PPP1R13B: variants seen among roughly 807,000 people sequenced by gnomAD.
The protein encoded by PPP1R13B is apoptosis-stimulating of p53 protein 1.
A neutral mutation model predicts 119.8 loss-of-function variants in PPP1R13B; 44 were observed. The ratio of observed to expected loss-of-function variants is 0.37; its 90% CI spans 0.29 to 0.47. The LOEUF (loss-of-function observed/expected upper bound fraction) is 0.47, where lower values mean the gene tolerates loss of function less well. Ranked by LOEUF, PPP1R13B falls within the 20% of genes least tolerant of loss-of-function variation. The pLI is 0.99. For missense variants in PPP1R13B, 1,227 were observed against 1,413.5 expected (o/e 0.87, Z 2.12); for synonymous variants, 542 against 561.5 (o/e 0.97, Z 0.49).
At chr14:103,848,305 G>A, upstream of PPP1R13B, 1 of 985,448 alleles carries the variant, frequency 1.0e-6, no homozygotes, top group Non-Finnish European at 1.2e-6. Flanking sequence ...CAGCTCCAGC[G>A]TCCCCGGGGA....
chr14:103,746,649 C>G (rs1567089846), intron 8 of PPP1R13B, 96 bp from the exon 9 acceptor site: 1 of 1,143,048 alleles, frequency 8.7e-7, no homozygotes, highest in African/African-American at 1.6e-5. Context: ...AGAAAGCACT[C>G]ACTCAGTGGT....
chr14:103,743,925 A>C (rs1358526759), intron 9 of PPP1R13B: 1 of 152,250 alleles, frequency 6.6e-6, no homozygotes, highest in Non-Finnish European at 1.5e-5. Flanking sequence ...AGCTGCATAC[A>C]CTGCTGGGCT....
intron 1 of PPP1R13B, 32 bp downstream of exon 1, chr14:103,847,255 CCCGCGGAGGAAG>C: frequency 8.5e-7 from 1 of 1,174,970 alleles, no homozygotes; most frequent in Non-Finnish European, 1.1e-6. Context: ...TGGCCAGCGG[CCCGCGGAGGAAG>C]CCGCCGCCAC....
At chr14:103,766,068 G>A (rs1208429083) in intron 4 of PPP1R13B, among the ~76,000 whole-genome samples, 1 of 151,088 alleles carries the variant, frequency 6.6e-6, no homozygotes, top group Non-Finnish European at 1.5e-5. Context: ...GAGCGCAGTG[G>A]CGCCATCTCG....
chr14:103,782,126 C>CG (rs1383741360), intron 3 of PPP1R13B, among the ~76,000 whole-genome samples: 5 of 152,136 alleles, frequency 3.3e-5, no homozygotes, highest in Non-Finnish European at 5.9e-5. Flanking sequence ...CCCTTTCCCC[C>CG]CAGGCCAACA....
In PPP1R13B at chr14:103,736,183, ACCCAGCTTTTCCTGCAC is replaced by A; in HGVS notation, c.3034_3050del (p.Val1012CysfsTer19). The A allele has an allele frequency of 6.2e-7, 1 of 1,613,754 alleles. No homozygotes were observed. Among genetic ancestry groups the A allele is most frequent in the Non-Finnish European group, 8.5e-7 (1 of 1,179,886 alleles). On this transcript the variant is annotated frameshift_variant and splice_region_variant, in exon 16 of 17. Transcript: ENST00000202556. LOFTEE classifies it high-confidence loss of function. ...CATACGCCACACCTTTGTTCATCAC[ACCCAGCTTTTCCTGCAC>A]CCCTGGAGCCAGAGAGCAATGGTCA...
At chr14:103,834,487 A>G (rs960354048) in intron 1 of PPP1R13B, among the ~76,000 whole-genome samples, 2 of 151,896 alleles carry the variant, frequency 1.3e-5, no homozygotes, top group African/African-American at 4.8e-5. Flanking sequence ...TTTTCAGCTG[A>G]CTGACAGGAC....
At chr14:103,840,801 A>AT (rs2086889766) in intron 1 of PPP1R13B, among the ~76,000 whole-genome samples, 1 of 151,608 alleles carries the variant, frequency 6.6e-6, no homozygotes, top group African/African-American at 2.4e-5. Flanking sequence ...AAAAAAAAAA[A>AT]GAAAGAAAGA....
intron 3 of PPP1R13B, among the ~76,000 whole-genome samples, chr14:103,783,348 C>T (rs2085379973): frequency 6.6e-6 from 1 of 152,102 alleles, no homozygotes; most frequent in African/African-American, 2.4e-5. Flanking sequence ...CAACCTCTGC[C>T]TCCCAGGTTC....
chr14:103,824,478 G>A (rs561158205), intron 1 of PPP1R13B, among the ~76,000 whole-genome samples: 64 of 151,392 alleles, frequency 4.2e-4, no homozygotes, highest in African/African-American at 1.5e-3. Context: ...GGCGGATCAC[G>A]AGGTCAGGAG....
chr14:103,800,361 T>C (rs1442708366), intron 1 of PPP1R13B, among the ~76,000 whole-genome samples: 1 of 151,596 alleles, frequency 6.6e-6, no homozygotes, highest in Non-Finnish European at 1.5e-5. Flanking sequence ...GTTGTTAAGA[T>C]TTTTTTTTCA....
At position 103,757,648 on chromosome 14, in the gene PPP1R13B, A is replaced by ACC; in HGVS notation, c.456_456+1dup. On this transcript the variant is annotated splice_donor_variant, in intron 5 of 16. Coordinates refer to ENST00000202556, the MANE Select transcript of PPP1R13B (RefSeq NM_015316.3). LOFTEE classifies it high-confidence loss of function. ...GTTTCAATACCTCTTTTTATAACTT[A>ACC]CCTTGGCAACCAACATCTGCTGCTG... 1 of 1,613,478 alleles carries ACC rather than the reference A, an allele frequency of 6.2e-7. No homozygotes were observed. Among genetic ancestry groups the ACC allele is most frequent in the Non-Finnish European group, 8.5e-7 (1 of 1,179,592 alleles).
upstream of PPP1R13B, chr14:103,847,685 G>T (rs1207554983): frequency 3.3e-6 from 3 of 922,510 alleles, no homozygotes; most frequent in African/African-American, 3.6e-5. Flanking sequence ...GAGCGGGGGC[G>T]GGGAGAGGGG....
chr14:103,833,649 AT>A (rs1249402307), intron 1 of PPP1R13B, among the ~76,000 whole-genome samples: 5 of 152,088 alleles, frequency 3.3e-5, no homozygotes, highest in African/African-American at 1.2e-4. Flanking sequence ...TCTCAAAAAA[AT>A]AAAAAATAAA....
At chr14:103,782,922 G>A (rs564022134) in intron 3 of PPP1R13B, among the ~76,000 whole-genome samples, 2 of 150,834 alleles carry the variant, frequency 1.3e-5, no homozygotes, top group South Asian at 2.1e-4. Context: ...CTCCTGTCTC[G>A]GCCCCCCGAG....
At chr14:103,794,470 G>C (rs1349797077) in intron 2 of PPP1R13B, 1 of 222,586 alleles carries the variant, frequency 4.5e-6, no homozygotes, top group Non-Finnish European at 9.3e-6. Flanking sequence ...GGGATTACAG[G>C]TGCCCACCAC....
Position 103,847,294 on chromosome 14 carries a change from C to A in PPP1R13B, c.9+5G>T. The A allele has an allele frequency of 1.6e-6, 2 of 1,239,366 alleles. No homozygotes were observed. The highest frequency in any genetic ancestry group is 2.1e-6 in the Non-Finnish European group (2 of 971,054). The allele number at this position is 1,239,366 out of a possible 1,614,324, so 76.8% of individuals were successfully genotyped here. On this transcript the variant is annotated splice_donor_5th_base_variant and intron_variant, in intron 1 of 16. Coordinates refer to ENST00000202556, the MANE Select transcript of PPP1R13B (RefSeq NM_015316.3). ...CGCCGCCACCTCCCGCCCGCCCTCA[C>A]CCACCGGCATCATCGCGGGGAGAGT... is the stretch of plus-strand genomic sequence containing the variant.
intron 1 of PPP1R13B, among the ~76,000 whole-genome samples, chr14:103,843,181 G>A (rs2086948615): frequency 6.6e-6 from 1 of 151,526 alleles, no homozygotes; most frequent in Non-Finnish European, 1.5e-5. Context: ...AGACCAGCCT[G>A]GCCAACATGG....
rs2084056386 is a variant in PPP1R13B at position 103,734,943 on chromosome 14, C to T, written c.*211G>A. On this transcript the variant is annotated 3_prime_UTR_variant, in exon 17 of 17. Transcript: ENST00000202556. The stretch of plus-strand genomic sequence containing the variant: ...TTTATAGTAATTGGCAAAATTCAGT[C>T]CTTGGAGGCGAAAGTACCTCTCCCA... The T allele has an allele frequency of 5.8e-6, 4 of 694,790 alleles. No individual in the cohort carries two copies. In the Admixed American group the frequency reaches 8.1e-5, roughly 14 times the overall value. 43.0% of individuals were successfully genotyped at this position (694,790 alleles called of 1,614,324 possible). A position where few individuals can be genotyped will look rare whatever the true frequency, so the allele number is the denominator to read the frequency against.
Sources: gnomAD v4.1 joint callset for allele counts (sites outside exome capture counted in the v4.1 genomes callset) on GRCh38, gnomAD v4.1.1 for gene constraint, MANE v1.5 for transcripts, NCBI Gene and HGNC (gene_info 2026-07-23, HGNC 2026-07-21) for gene names.